The following CSF2RA variants were observed in gnomAD, a reference collection of about 807,000 sequenced individuals.
CSF2RA encodes the protein colony stimulating factor 2 receptor subunit alpha.
In CSF2RA, 42 loss-of-function variants were observed where a neutral mutation model predicts 51.6. The observed-to-expected ratio is 0.81, with a 90% CI of 0.64 to 1.05. The LOEUF (loss-of-function observed/expected upper bound fraction) is 1.05. CSF2RA is among the 50% of genes least tolerant of loss of function. The probability of loss-of-function intolerance (pLI) is 0.00; values close to 1 mark genes in which losing one functional copy is unlikely to be tolerated. For synonymous variants in CSF2RA, 222 were observed against 193.0 expected, an observed-to-expected ratio of 1.15 and a Z score of -1.24; for missense variants, 530 against 501.1, an observed-to-expected ratio of 1.06 and a Z score of -0.55.
chrX:1,276,475 G>C (rs1163705221), intron 2 of CSF2RA, among the ~76,000 whole-genome samples: 1 of 152,132 alleles, frequency 6.6e-6, no homozygotes, highest in East Asian at 1.9e-4. Flanking sequence ...TCGAGTTCCA[G>C]TGATTCTCCT....
At chrX:1,288,365 C>T (rs1342528892) in intron 4 of CSF2RA, among the ~76,000 whole-genome samples, 154 bp from the exon 5 acceptor site, 4 of 134,988 alleles carry the variant, frequency 3.0e-5, no homozygotes, top group African/African-American at 1.0e-4. Flanking sequence ...GTCTGTAATC[C>T]GAGCTACTCG....
downstream of CSF2RA, among the ~76,000 whole-genome samples, chrX:1,314,120 T>C (rs1333152207): frequency 1.3e-5 from 2 of 152,168 alleles, no homozygotes; most frequent in African/African-American, 4.8e-5. Context: ...CCCTCCCCTG[T>C]GTTCTTTGGC....
intron 9 of CSF2RA, chrX:1,300,263 A>G: frequency 1.8e-6 from 1 of 559,812 alleles, no homozygotes; most frequent in South Asian, 2.5e-5. Flanking sequence ...TAAAGCCTAC[A>G]TCACCCAAAT....
chrX:1,301,825 C>T lies in CSF2RA; in HGVS notation c.946+1199C>T, dbSNP rs566119325. On this transcript the variant is annotated intron_variant, in intron 10 of 12. Coordinates refer to ENST00000381529, the MANE Select transcript of CSF2RA (RefSeq NM_172245.4). ...TTCACTGTTTTTTAGCCAGGATGGT[C>T]TCGATCTCCTGACCTCGTGATCCGC... Among the ~76,000 whole-genome samples, 25 of 149,866 alleles carry T rather than the reference C, an allele frequency of 1.7e-4. No individual in the cohort carries two copies. The South Asian group carries it at 4.8e-3, about 29-fold the overall frequency.
intron 7 of CSF2RA, among the ~76,000 whole-genome samples, chrX:1,293,356 C>T (rs1363130908): frequency 6.6e-6 from 1 of 152,064 alleles, no homozygotes; most frequent in South Asian, 2.1e-4. Context: ...GTAGCTGGGA[C>T]TACAGGCACC....
At chrX:1,317,945 G>C in the CSF2RA span, among the ~76,000 whole-genome samples, 1 of 150,654 alleles carries the variant, frequency 6.6e-6, no homozygotes, top group African/African-American at 2.4e-5. Context: ...TAGCTTGGAT[G>C]ACAGGCATGC....
At chrX:1,269,254 G>A (rs1392955495) in intron 1 of CSF2RA, among the ~76,000 whole-genome samples, 19 of 152,186 alleles carry the variant, frequency 1.2e-4, no homozygotes, top group East Asian at 1.9e-4. Flanking sequence ...GCTACAGGGC[G>A]TTGGGGTGTA....
chrX:1,284,600 A>ATTT (rs756926364), intron 3 of CSF2RA, among the ~76,000 whole-genome samples: 3 of 103,120 alleles, frequency 2.9e-5, no homozygotes, highest in African/African-American at 1.2e-4. Context: ...GCTAATTTAA[A>ATTT]TTTTTTTTTT....
intron 11 of CSF2RA, 130 bp from the exon 12 acceptor site, chrX:1,305,316 A>C: frequency 9.5e-7 from 1 of 1,048,520 alleles, no homozygotes; most frequent in Non-Finnish European, 1.5e-6. Flanking sequence ...TCACTTGGTG[A>C]TTCTTAGTGA....
chrX:1,314,340 A>T (rs866768439), downstream of CSF2RA, among the ~76,000 whole-genome samples: 19 of 133,152 alleles, frequency 1.4e-4, no homozygotes, highest in African/African-American at 3.3e-4. Context: ...GCCCAACCCC[A>T]CTGCGCCTGC....
chrX:1,300,371 AAAG>A lies in CSF2RA; in HGVS notation c.811-114_811-112del, dbSNP rs777177464. 1.1e-3 allele frequency: 1,420 copies of A among 1,295,724 alleles called. 1 individual carries two copies. Among genetic ancestry groups the A allele is most frequent in the Non-Finnish European group, 1.3e-3 (1,202 of 916,868 alleles). The allele number at this position is 1,295,724 out of a possible 1,614,324, so 80.3% of individuals were successfully genotyped here. On this transcript the variant is annotated intron_variant, in intron 9 of 12. Transcript: ENST00000381529. ...AAGTGCATTCAGAGTGGTAGAAAAA[AAAG>A]AAGAAAAAGAAAAAAAGAAAAGGAG...
intron 1 of CSF2RA, among the ~76,000 whole-genome samples, chrX:1,272,645 G>A (rs1318874868): frequency 6.8e-6 from 1 of 147,668 alleles, no homozygotes; most frequent in Non-Finnish European, 1.5e-5. Context: ...CCGCCACTAC[G>A]CCCAGCTAAT....
intron 3 of CSF2RA, among the ~76,000 whole-genome samples, chrX:1,283,292 C>G (rs1214472411): frequency 6.8e-6 from 1 of 146,918 alleles, no homozygotes; most frequent in East Asian, 2.0e-4. Flanking sequence ...CATTTCTTCT[C>G]TTTCTTTCTC....
At chrX:1,320,113 T>C in the CSF2RA span, among the ~76,000 whole-genome samples, 1 of 151,984 alleles carries the variant, frequency 6.6e-6, no homozygotes, top group African/African-American at 2.4e-5. Flanking sequence ...GCCAGGATGG[T>C]CTCGATCTCC....
At chrX:1,314,140 C>T (rs2084306259), downstream of CSF2RA, among the ~76,000 whole-genome samples, 1 of 151,778 alleles carries the variant, frequency 6.6e-6, no homozygotes, top group Admixed American at 6.6e-5. Context: ...CACCTACGGA[C>T]CCTCTCCAAG....
At chrX:1,304,465 A>G (rs1281009021) in intron 11 of CSF2RA, among the ~76,000 whole-genome samples, 2 of 150,578 alleles carry the variant, frequency 1.3e-5, no homozygotes, top group Non-Finnish European at 2.9e-5. Context: ...CTCACAGGGA[A>G]TCTTTCTAGA....
chrX:1,294,538 C>G, intron 8 of CSF2RA, 77 bp downstream of exon 8: 1 of 1,593,138 alleles, frequency 6.3e-7, no homozygotes, highest in Non-Finnish European at 8.6e-7. Context: ...CTGGGAATCC[C>G]GGGGAAGTGG....
At chrX:1,284,195 C>CT (rs752104115) in intron 3 of CSF2RA, among the ~76,000 whole-genome samples, 987 of 91,760 alleles carry the variant, frequency 0.011, 84 homozygotes, top group African/African-American at 0.017. Flanking sequence ...CTCTGTCTCT[C>CT]TTTTTTTTTT....
chrX:1,291,597 C>T (rs1406546222), intron 7 of CSF2RA, among the ~76,000 whole-genome samples: 1 of 152,052 alleles, frequency 6.6e-6, no homozygotes, highest in African/African-American at 2.4e-5. Context: ...CGTTCCCAGC[C>T]TCTTCAGGCT....
Sources: gnomAD v4.1 joint callset for allele counts (sites outside exome capture counted in the v4.1 genomes callset) on GRCh38, gnomAD v4.1.1 for gene constraint, MANE v1.5 for transcripts, NCBI Gene and HGNC (gene_info 2026-07-23, HGNC 2026-07-21) for gene names.